HPRT1: variants seen among roughly 807,000 people sequenced by gnomAD.
HPRT1 encodes hypoxanthine phosphoribosyltransferase 1, also known as hypoxanthine-guanine phosphoribosyltransferase.
Under a neutral mutation model 19.0 loss-of-function variants are expected in HPRT1, and 4 were observed. That is an observed-to-expected ratio of 0.21 (90% CI 0.10 to 0.48). The LOEUF (loss-of-function observed/expected upper bound fraction) is 0.48, where lower values mean the gene tolerates loss of function less well. Ranked by LOEUF, HPRT1 falls within the 20% of genes least tolerant of loss-of-function variation. The probability of loss-of-function intolerance (pLI) is 0.98; values close to 1 mark genes in which losing one functional copy is unlikely to be tolerated. For synonymous variants in HPRT1, 53 were observed against 54.9 expected, an observed-to-expected ratio of 0.97 and a Z score of 0.15; for missense variants, 65 against 164.0, an observed-to-expected ratio of 0.40 and a Z score of 3.30.
rs186812423 is a variant in HPRT1 at position 134,478,443 on chromosome X, C to A, written c.318+3079C>A. The stretch of plus-strand genomic sequence containing the variant: ...ACCAGCCTAGACAACATAATGAGAC[C>A]CCCTCTCTACACAAAAAGAATTAGT... On this transcript the variant is annotated intron_variant, in intron 3 of 8. Coordinates refer to ENST00000298556, the MANE Select transcript of HPRT1 (RefSeq NM_000194.3). Among the ~76,000 whole-genome samples, 693 of 110,360 alleles carry A rather than the reference C, an allele frequency of 6.3e-3. 5 individuals are homozygous for A. Among genetic ancestry groups the A allele is most frequent in the African/African-American group, 0.022 (658 of 30,342 alleles).
chrX:134,498,547 C>T (rs906750848), intron 7 of HPRT1, 61 bp from the exon 8 acceptor site: 5 of 984,751 alleles, frequency 5.1e-6, no homozygotes, highest in Non-Finnish European at 7.3e-6. Flanking sequence ...GCACATTTGC[C>T]AGTATTAGAT....
intron 3 of HPRT1, among the ~76,000 whole-genome samples, chrX:134,484,733 T>C (rs958729606): frequency 8.9e-6 from 1 of 112,381 alleles, no homozygotes; most frequent in Non-Finnish European, 1.9e-5. Flanking sequence ...TTTTTAATAG[T>C]TGCATGGTAT....
chrX:134,481,281 A>G (rs1486647957), intron 3 of HPRT1, among the ~76,000 whole-genome samples: 1 of 111,403 alleles, frequency 9.0e-6, no homozygotes, highest in Non-Finnish European at 1.9e-5. Context: ...CTTGCCCCCC[A>G]AGTAGTTTCT....
intron 1 of HPRT1, among the ~76,000 whole-genome samples, chrX:134,467,041 C>CTTTTTTTTTTTTTTTTT (rs779817345): frequency 1.6e-5 from 1 of 61,010 alleles, no homozygotes; most frequent in African/African-American, 7.3e-5. Context: ...AGATTTTAAG[C>CTTTTTTTTTTTTTTTTT]TTTTTTTTTT....
In HPRT1 at chrX:134,460,286, C is replaced by G. The variant is rs769271794; in HGVS notation, c.-26C>G. On this transcript the variant is annotated 5_prime_UTR_variant, in exon 1 of 9. Transcript: ENST00000298556. The stretch of plus-strand genomic sequence containing the variant: ...CACCGGCTTCCTCCTCCTGAGCAGT[C>G]AGCCCGCGCGCCGGCCGGCTCCGTT... The G allele has an allele frequency of 8.9e-6, 10 of 1,125,554 alleles. No homozygotes were observed. The highest frequency in any genetic ancestry group is 1.1e-5 in the Non-Finnish European group (9 of 856,808). The allele number at this position is 1,125,554 out of a possible 1,213,427, so 92.8% of individuals were successfully genotyped here.
intron 4 of HPRT1, among the ~76,000 whole-genome samples, chrX:134,487,638 T>C (rs2077657109): frequency 8.9e-6 from 1 of 112,290 alleles, no homozygotes; most frequent in Non-Finnish European, 1.9e-5. Context: ...GATTTTAGTG[T>C]TCATTGCTTA....
intron 1 of HPRT1, among the ~76,000 whole-genome samples, chrX:134,466,511 G>T: frequency 9.1e-6 from 1 of 110,363 alleles, no homozygotes; most frequent in East Asian, 2.8e-4. Flanking sequence ...CAAAGAAGAG[G>T]CCTGAGATTG....
intron 6 of HPRT1, among the ~76,000 whole-genome samples, chrX:134,496,362 A>G (rs766561196): frequency 2.7e-5 from 3 of 111,951 alleles, no homozygotes; most frequent in Non-Finnish European, 3.8e-5. Flanking sequence ...TTGGCCATTT[A>G]CATATATCTT....
intron 1 of HPRT1, among the ~76,000 whole-genome samples, chrX:134,467,041 CTTTTT>C (rs779817345): frequency 1.6e-5 from 1 of 61,009 alleles, no homozygotes; most frequent in Non-Finnish European, 2.8e-5. Flanking sequence ...AGATTTTAAG[CTTTTT>C]TTTTTTTTTT....
At chrX:134,491,491 C>T (rs948221291) in intron 5 of HPRT1, among the ~76,000 whole-genome samples, 3 of 111,138 alleles carry the variant, frequency 2.7e-5, no homozygotes, top group African/African-American at 9.8e-5. Context: ...AGAAAAATCT[C>T]ATGTTGAACC....
chrX:134,471,584 A>G (rs2077610559), intron 1 of HPRT1, among the ~76,000 whole-genome samples: 1 of 111,764 alleles, frequency 8.9e-6, no homozygotes, highest in African/African-American at 3.3e-5. Context: ...TTACTGTGAG[A>G]TGAGAGAGGC....
At chrX:134,467,197 C>A (rs1040635003) in intron 1 of HPRT1, among the ~76,000 whole-genome samples, 1 of 110,009 alleles carries the variant, frequency 9.1e-6, no homozygotes, top group Non-Finnish European at 1.9e-5. Flanking sequence ...ACTACAGGCA[C>A]GTGCCACCAC....
Position 134,460,258 on chromosome X carries a change from C to T in HPRT1, c.-54C>T. The T allele has an allele frequency of 9.9e-6, 11 of 1,110,843 alleles. No homozygotes were observed. Among genetic ancestry groups the T allele is most frequent in the East Asian group, 7.2e-5 (2 of 27,605 alleles). 91.5% of individuals were successfully genotyped at this position (1,110,843 alleles called of 1,213,427 possible). On this transcript the variant is annotated 5_prime_UTR_variant, in exon 1 of 9. Coordinates refer to ENST00000298556, the MANE Select transcript of HPRT1 (RefSeq NM_000194.3). ...TGCGCCTCCGCCTCCTCCTCTGCTC[C>T]GCCACCGGCTTCCTCCTCCTGAGCA...
intron 5 of HPRT1, among the ~76,000 whole-genome samples, chrX:134,490,592 T>C (rs187851866): frequency 1.6e-3 from 169 of 107,510 alleles, no homozygotes; most frequent in African/African-American, 5.4e-3. Flanking sequence ...ATTTTCCATG[T>C]GTTATTATGT....
chrX:134,492,034 T>TAC (rs1284754285), intron 5 of HPRT1, among the ~76,000 whole-genome samples: 42 of 97,288 alleles, frequency 4.3e-4, no homozygotes, highest in African/African-American at 9.0e-4. Flanking sequence ...TATATATATA[T>TAC]ACACACACAC....
intron 7 of HPRT1, 25 bp downstream of exon 7, chrX:134,498,461 A>G: frequency 8.6e-7 from 1 of 1,166,704 alleles, no homozygotes; most frequent in African/African-American, 1.7e-5. Flanking sequence ...TTTTTTGTCA[A>G]TCATTTAACC....
At chrX:134,483,776 A>C in intron 3 of HPRT1, among the ~76,000 whole-genome samples, 1 of 112,130 alleles carries the variant, frequency 8.9e-6, no homozygotes, top group Non-Finnish European at 1.9e-5. Flanking sequence ...CAATGTAGGC[A>C]CTTATACCTG....
intron 1 of HPRT1, among the ~76,000 whole-genome samples, chrX:134,465,614 A>G (rs1274436141): frequency 1.8e-5 from 2 of 112,830 alleles, no homozygotes; most frequent in Non-Finnish European, 3.7e-5. Context: ...TCAGATTAAT[A>G]AAAGTACCTG....
chrX:134,473,580 C>T, intron 2 of HPRT1, 115 bp downstream of exon 2: 1 of 487,920 alleles, frequency 2.0e-6, no homozygotes, highest in South Asian at 2.9e-5. Flanking sequence ...TATTAAATAA[C>T]TGATGCTTTC....
Sources: gnomAD v4.1 joint callset for allele counts (sites outside exome capture counted in the v4.1 genomes callset) on GRCh38, gnomAD v4.1.1 for gene constraint, MANE v1.5 for transcripts, NCBI Gene and HGNC (gene_info 2026-07-23, HGNC 2026-07-21) for gene names.